The following EPHB2 variants were observed in gnomAD, a reference collection of about 807,000 sequenced individuals.
The protein encoded by EPHB2 is EPH receptor B2, also known as ephrin type-B receptor 2.
Under a neutral mutation model 96.4 loss-of-function variants are expected in EPHB2, and 18 were observed. That is an observed-to-expected ratio of 0.19 (90% CI 0.13 to 0.28). EPHB2 has a LOEUF of 0.28. Among genes scored for constraint, EPHB2 ranks in the 10% least tolerant of loss-of-function variants. The probability of loss-of-function intolerance (pLI) is 1.00; values close to 1 mark genes in which losing one functional copy is unlikely to be tolerated. For synonymous variants in EPHB2, 506 were observed against 534.1 expected (o/e 0.95, Z 0.72); for missense variants, 989 against 1,355.4 (o/e 0.73, Z 4.25).
At chr1:22,863,523 A>G (rs192494606) in intron 4 of EPHB2, among the ~76,000 whole-genome samples, 68 of 152,352 alleles carry the variant, frequency 4.5e-4, no homozygotes, top group African/African-American at 1.5e-3. Flanking sequence ...AAGGCTGCCC[A>G]GTGTTCTAAC....
intron 1 of EPHB2, among the ~76,000 whole-genome samples, chr1:22,752,605 C>T (rs947484474): frequency 6.6e-6 from 1 of 150,424 alleles, no homozygotes; most frequent in African/African-American, 2.4e-5. Flanking sequence ...GAATTAAAAC[C>T]TGCTTTTTAG....
At chr1:22,881,880 G>A (rs987773188) in intron 5 of EPHB2, among the ~76,000 whole-genome samples, 2 of 152,204 alleles carry the variant, frequency 1.3e-5, no homozygotes, top group East Asian at 1.9e-4. Context: ...GATGTGAGCC[G>A]CTGCACCCAG....
intron 3 of EPHB2, among the ~76,000 whole-genome samples, chr1:22,838,310 T>A (rs1412988700): frequency 6.6e-6 from 1 of 152,250 alleles, no homozygotes. Flanking sequence ...ACAGTCATTA[T>A]TAGATTGACA....
rs1318617154 is a variant in EPHB2 at position 22,823,140 on chromosome 1, C to T, written c.811+38064C>T. Among the ~76,000 whole-genome samples the T allele has an allele frequency of 2.0e-5, 3 of 152,196 alleles. No homozygotes were observed. In the East Asian group the frequency reaches 5.8e-4, roughly 29 times the overall value. On this transcript the variant is annotated intron_variant, in intron 3 of 15. Transcript: ENST00000374630. ...CACATCCCCTGCACACATCAGGCTC[C>T]AGTCATCCCAGATGGACCCACCACG... is the stretch of plus-strand genomic sequence containing the variant.
chr1:22,782,821 T>C (rs557285051), intron 2 of EPHB2, among the ~76,000 whole-genome samples: 56 of 152,168 alleles, frequency 3.7e-4, no homozygotes, highest in African/African-American at 1.2e-3. Context: ...AGAGTCGCCA[T>C]TGAAGAAGAG....
At position 22,906,500 on chromosome 1, in the gene EPHB2, C is replaced by A. The variant is rs1465855729; in HGVS notation, c.1889-210C>A. Among the ~76,000 whole-genome samples the A allele has an allele frequency of 3.9e-5, 6 of 152,246 alleles. No individual in the cohort carries two copies. In the East Asian group the frequency reaches 1.2e-3, roughly 29 times the overall value. On this transcript the variant is annotated intron_variant, in intron 10 of 15. Transcript: ENST00000374630. The surrounding 1 kb of genome is among the most constrained non-coding windows in gnomAD (Gnocchi z 4.8). ...CCAGCCAGGGATAACCAGAGAACAACCATGAGGAATTTACTGTCCTCTCCC... is the reference window on the plus strand; with the variant it reads ...CCAGCCAGGGATAACCAGAGAACAAACATGAGGAATTTACTGTCCTCTCCC...
At chr1:22,718,455 G>A (rs565088503) in intron 1 of EPHB2, among the ~76,000 whole-genome samples, 4 of 146,544 alleles carry the variant, frequency 2.7e-5, no homozygotes, top group South Asian at 2.2e-4. Flanking sequence ...GTGCAATCTC[G>A]GCTCACTGCA....
At chr1:22,844,807 T>G (rs1438937348) in intron 3 of EPHB2, among the ~76,000 whole-genome samples, 1 of 152,144 alleles carries the variant, frequency 6.6e-6, no homozygotes, top group Admixed American at 6.5e-5. Context: ...CCTTGACTGA[T>G]CCCAGTCCTT....
intron 3 of EPHB2, among the ~76,000 whole-genome samples, chr1:22,792,105 A>G (rs1261176163): frequency 2.6e-5 from 4 of 151,598 alleles, no homozygotes; most frequent in African/African-American, 9.7e-5. Flanking sequence ...CTGGGCCTTC[A>G]GAGTTGGATC....
chr1:22,835,381 A>G (rs577762451), intron 3 of EPHB2, among the ~76,000 whole-genome samples: 1 of 152,154 alleles, frequency 6.6e-6, no homozygotes, highest in East Asian at 1.9e-4. Context: ...CCCCATCTCA[A>G]AGAAAAAAGA....
chr1:22,870,146 G>A (rs1638614259), intron 5 of EPHB2, among the ~76,000 whole-genome samples: 1 of 152,096 alleles, frequency 6.6e-6, no homozygotes, highest in Non-Finnish European at 1.5e-5. Context: ...TGCCTTAAAA[G>A]GAAAAAGTGT....
intron 1 of EPHB2, among the ~76,000 whole-genome samples, chr1:22,763,642 C>T (rs1378964435): frequency 1.3e-5 from 2 of 152,150 alleles, no homozygotes; most frequent in Admixed American, 1.3e-4. Context: ...TGAGAGATGG[C>T]CACTTTCTCG....
intron 3 of EPHB2, among the ~76,000 whole-genome samples, chr1:22,821,554 GC>G (rs1272977298): frequency 3.9e-5 from 6 of 152,228 alleles, no homozygotes; most frequent in African/African-American, 1.4e-4. Context: ...ATGTTCGGAA[GC>G]CTGTCTCAGT....
chr1:22,910,597 G>A (rs1640065368), intron 14 of EPHB2, 22 bp downstream of exon 14: 2 of 1,613,182 alleles, frequency 1.2e-6, no homozygotes, highest in Non-Finnish European at 1.7e-6. Context: ...CCCTGGCCCT[G>A]CCCCAGCCAG....
At chr1:22,783,486 A>G (rs548492661) in intron 2 of EPHB2, among the ~76,000 whole-genome samples, 5 of 152,180 alleles carry the variant, frequency 3.3e-5, no homozygotes, top group South Asian at 2.1e-4. Context: ...ACGCAGGGAG[A>G]TTGTTCCCGA....
intron 1 of EPHB2, among the ~76,000 whole-genome samples, chr1:22,723,859 G>A (rs882025): frequency 0.46 from 69,551 of 152,010 alleles, 17,058 homozygotes; most frequent in East Asian, 0.93. Flanking sequence ...CCACTCAAAG[G>A]CAATAATAAT....
intron 3 of EPHB2, among the ~76,000 whole-genome samples, chr1:22,831,401 A>T (rs1448274149): frequency 6.6e-6 from 1 of 152,104 alleles, no homozygotes; most frequent in Non-Finnish European, 1.5e-5. Context: ...ACTCAGCTGT[A>T]GGCATTGTGT....
chr1:22,716,009 G>A (rs1156532360), intron 1 of EPHB2, among the ~76,000 whole-genome samples: 1 of 152,046 alleles, frequency 6.6e-6, no homozygotes, highest in African/African-American at 2.4e-5. Context: ...CATTTAATTT[G>A]TCCAGGCACC....
intron 3 of EPHB2, among the ~76,000 whole-genome samples, chr1:22,793,796 A>T (rs1006911111): frequency 2.0e-5 from 3 of 152,146 alleles, no homozygotes; most frequent in Admixed American, 1.3e-4. Flanking sequence ...TCTATTTTAC[A>T]AATGATGAGA....
Sources: gnomAD v4.1 joint callset for allele counts (sites outside exome capture counted in the v4.1 genomes callset) on GRCh38, gnomAD v4.1.1 for gene constraint, Gnocchi (gnomAD v3.1) non-coding constraint, MANE v1.5 for transcripts, NCBI Gene and HGNC (gene_info 2026-07-23, HGNC 2026-07-21) for gene names.